PTPRA: variants seen among roughly 807,000 people sequenced by gnomAD.
PTPRA encodes receptor-type tyrosine-protein phosphatase alpha.
PTPRA carries 25 observed loss-of-function variants against 104.8 expected under a neutral mutation model. The observed-to-expected ratio is 0.24, with a 90% confidence interval of 0.17 to 0.33. The LOEUF (loss-of-function observed/expected upper bound fraction) is 0.33. Ranked by LOEUF, PTPRA falls within the 10% of genes least tolerant of loss-of-function variation. The probability of loss-of-function intolerance (pLI) is 1.00; values close to 1 mark genes in which losing one functional copy is unlikely to be tolerated. For synonymous variants in PTPRA, 323 were observed against 368.9 expected (o/e 0.88, Z 1.43); for missense variants, 765 against 1,015.3 (o/e 0.75, Z 3.35).
At chr20:2,966,465 A>G (rs1312757050) in intron 5 of PTPRA, among the ~76,000 whole-genome samples, 1 of 152,178 alleles carries the variant, frequency 6.6e-6, no homozygotes, top group Admixed American at 6.5e-5. Context: ...AGCTGTTAGT[A>G]TTGTTGTGGT....
intron 1 of PTPRA, among the ~76,000 whole-genome samples, chr20:2,910,184 TATG>T (rs1473642442): frequency 1.2e-4 from 13 of 104,752 alleles, no homozygotes; most frequent in African/African-American, 1.8e-4. Context: ...GTATAGTATA[TATG>T]ATATATGATA....
At chr20:2,879,145 G>GGAA (rs898146642) in intron 1 of PTPRA, among the ~76,000 whole-genome samples, 1 of 152,176 alleles carries the variant, frequency 6.6e-6, no homozygotes, top group Non-Finnish European at 1.5e-5. Context: ...TGATGAAAGG[G>GGAA]GAAGAATAGG....
intron 1 of PTPRA, among the ~76,000 whole-genome samples, chr20:2,886,795 G>A (rs2090412962): frequency 6.6e-6 from 1 of 150,694 alleles, no homozygotes; most frequent in Non-Finnish European, 1.5e-5. Context: ...GGTGGAGGTT[G>A]CCCTGAGCCG....
intron 2 of PTPRA, among the ~76,000 whole-genome samples, chr20:2,940,190 A>G (rs1372283272): frequency 1.3e-5 from 2 of 152,220 alleles, no homozygotes; most frequent in Non-Finnish European, 2.9e-5. Context: ...TGAACTGTAA[A>G]TCCCTGCTGC....
At chr20:2,952,594 T>A (rs1031753286) in intron 3 of PTPRA, among the ~76,000 whole-genome samples, 5 of 152,244 alleles carry the variant, frequency 3.3e-5, no homozygotes, top group Non-Finnish European at 5.9e-5. Context: ...TTTAACTCTT[T>A]GTAAGTATAC....
chr20:3,028,904 G>C (rs1195034974), intron 20 of PTPRA, among the ~76,000 whole-genome samples: 3 of 152,218 alleles, frequency 2.0e-5, no homozygotes, highest in Non-Finnish European at 4.4e-5. Context: ...CTCGGGTGGT[G>C]AGAGGGTGCT....
At chr20:2,906,992 G>T (rs900560057) in intron 1 of PTPRA, among the ~76,000 whole-genome samples, 7 of 152,132 alleles carry the variant, frequency 4.6e-5, no homozygotes, top group Non-Finnish European at 8.8e-5. Flanking sequence ...AAATTATTCT[G>T]GAAATGTAGT....
chr20:2,998,019 C>T (rs1483198261), intron 9 of PTPRA, among the ~76,000 whole-genome samples: 1 of 152,066 alleles, frequency 6.6e-6, no homozygotes, highest in Non-Finnish European at 1.5e-5. Context: ...GTTCTAGCTA[C>T]TCAGGGGGCT....
chr20:2,894,943 C>T (rs1006012421), intron 1 of PTPRA, among the ~76,000 whole-genome samples: 12 of 147,812 alleles, frequency 8.1e-5, no homozygotes, highest in African/African-American at 2.5e-4. Context: ...GCAGAGATCA[C>T]GTCACTGCAC....
At chr20:2,961,912 A>G (rs1032085541) in intron 3 of PTPRA, among the ~76,000 whole-genome samples, 1 of 152,124 alleles carries the variant, frequency 6.6e-6, no homozygotes, top group African/African-American at 2.4e-5. Flanking sequence ...AGTTGACTAT[A>G]TTTATGTGGG....
At chr20:2,900,722 T>A (rs554741366) in intron 1 of PTPRA, among the ~76,000 whole-genome samples, 1 of 151,830 alleles carries the variant, frequency 6.6e-6, no homozygotes, top group South Asian at 2.1e-4. Flanking sequence ...CTGGGCGTGG[T>A]GGCAGGTGCC....
chr20:2,905,283 A>G (rs1014235715), intron 1 of PTPRA, among the ~76,000 whole-genome samples: 19 of 152,348 alleles, frequency 1.2e-4, no homozygotes, highest in African/African-American at 4.3e-4. Context: ...GAGACCGCTG[A>G]TAATAGAGTA....
chr20:3,009,111 C>G (rs1018239049), intron 11 of PTPRA, among the ~76,000 whole-genome samples: 1 of 152,072 alleles, frequency 6.6e-6, no homozygotes. Flanking sequence ...GCAACTCACC[C>G]GTGTGCTCAT....
rs553920627 is a variant in PTPRA at position 3,021,363 on chromosome 20, C to T, written c.1096C>T (p.Arg366Trp). ...AGGCTGCTGGACCTATGGGAATATT[C>T]GGGTGTCTGTAGAGGATGTGACTGT... ...DQGCWTYGNI[R>W]VSVEDVTVLV... The change falls in exon 14 of 24, where the codon CGG becomes TGG. Residue 366 changes from arginine to tryptophan, a missense_variant. This residue lies in a region of PTPRA where 245 missense variants were observed against 398.7 expected (regional missense o/e 0.61). Transcript: ENST00000399903. The T allele has an allele frequency of 2.5e-6, 4 of 1,614,030 alleles. No individual in the cohort carries two copies. The highest frequency in any genetic ancestry group is 2.5e-6 in the Non-Finnish European group (3 of 1,179,954).
intron 13 of PTPRA, among the ~76,000 whole-genome samples, chr20:3,018,369 C>T (rs1001255983): frequency 9.9e-5 from 15 of 151,730 alleles, no homozygotes; most frequent in Admixed American, 3.3e-4. Flanking sequence ...GAGGACCCTG[C>T]GGCCTTCTGC....
upstream of PTPRA, among the ~76,000 whole-genome samples, chr20:2,868,829 C>T (rs1260433312): frequency 2.0e-5 from 3 of 152,000 alleles, no homozygotes; most frequent in Non-Finnish European, 2.9e-5. Flanking sequence ...ACAAAACCCA[C>T]ATCTCCAAAG....
intron 1 of PTPRA, among the ~76,000 whole-genome samples, chr20:2,898,536 A>T (rs1272143017): frequency 6.6e-6 from 1 of 151,360 alleles, no homozygotes; most frequent in Non-Finnish European, 1.5e-5. Context: ...TTCTTTGATC[A>T]CTTTTTTTCT....
At chr20:2,909,368 A>C (rs2059540616) in intron 1 of PTPRA, among the ~76,000 whole-genome samples, 1 of 152,064 alleles carries the variant, frequency 6.6e-6, no homozygotes, top group South Asian at 2.1e-4. Flanking sequence ...GCTGAGGCTG[A>C]GGTCAGGAGT....
intron 2 of PTPRA, among the ~76,000 whole-genome samples, chr20:2,944,701 G>A (rs2061058804): frequency 6.6e-6 from 1 of 152,152 alleles, no homozygotes; most frequent in African/African-American, 2.4e-5. Context: ...ACAAGGATGG[G>A]ATTTTACGTA....
Sources: allele counts gnomAD v4.1 joint callset (sites outside exome capture counted in the v4.1 genomes callset), GRCh38; gene constraint gnomAD v4.1.1; regional missense constraint gnomAD v4.1.1; transcripts MANE v1.5; gene names NCBI Gene and HGNC (gene_info 2026-07-23, HGNC 2026-07-21).